The following FIRRM variants were observed in gnomAD, a reference collection of about 807,000 sequenced individuals.
FIRRM encodes FIGNL1-interacting regulator of recombination and mitosis.
chr1:169,787,093 A>G, the FIRRM span, among the ~76,000 whole-genome samples: 1 of 152,194 alleles, frequency 6.6e-6, no homozygotes, highest in African/African-American at 2.4e-5. Context: ...GAGAACATCT[A>G]AGGCTCTTGA....
chr1:169,808,621 T>C, the FIRRM span, among the ~76,000 whole-genome samples: 1 of 151,606 alleles, frequency 6.6e-6, no homozygotes, highest in Non-Finnish European at 1.5e-5. Flanking sequence ...TTTTTTTTTT[T>C]TGAGATGGCG....
the FIRRM span, chr1:169,850,314 C>G: frequency 6.2e-7 from 1 of 1,611,618 alleles, no homozygotes; most frequent in Non-Finnish European, 8.5e-7. Flanking sequence ...TCTGAAGAAA[C>G]TAAGAACAAA....
the FIRRM span, chr1:169,827,738 A>G: frequency 6.2e-7 from 1 of 1,614,128 alleles, no homozygotes; most frequent in East Asian, 2.2e-5. Context: ...CAGTTTCCAC[A>G]ATGTCTTCTT....
chr1:169,818,626 A>G, the FIRRM span, among the ~76,000 whole-genome samples: 1 of 152,220 alleles, frequency 6.6e-6, no homozygotes, highest in African/African-American at 2.4e-5. Context: ...TACACAATAC[A>G]TATAAATATA....
the FIRRM span, among the ~76,000 whole-genome samples, chr1:169,813,135 A>G: frequency 6.6e-6 from 1 of 152,228 alleles, no homozygotes; most frequent in Non-Finnish European, 1.5e-5. Flanking sequence ...TTATGGCACT[A>G]TTTAAAGCTG....
At chr1:169,849,182 A>G in the FIRRM span, among the ~76,000 whole-genome samples, 1 of 152,210 alleles carries the variant, frequency 6.6e-6, no homozygotes, top group Non-Finnish European at 1.5e-5. Flanking sequence ...CACCAAGGTG[A>G]CATGCAAGTA....
At chr1:169,827,928 T>G in the FIRRM span, 20 of 1,418,938 alleles carry the variant, frequency 1.4e-5, no homozygotes, top group Admixed American at 1.7e-4. Context: ...GTTTGTGTGT[T>G]TTTTTTTTAA....
At chr1:169,791,567 T>C in the FIRRM span, among the ~76,000 whole-genome samples, 3 of 152,224 alleles carry the variant, frequency 2.0e-5, no homozygotes, top group African/African-American at 4.8e-5. Context: ...TGAAGTCTTA[T>C]AGGGCAGTTA....
At chr1:169,799,280 G>A in the FIRRM span, among the ~76,000 whole-genome samples, 1 of 152,144 alleles carries the variant, frequency 6.6e-6, no homozygotes, top group Non-Finnish European at 1.5e-5. Context: ...ATAGCTATCA[G>A]CCTCTAACAT....
At chr1:169,830,083 A>G in the FIRRM span, among the ~76,000 whole-genome samples, 1 of 152,196 alleles carries the variant, frequency 6.6e-6, no homozygotes, top group Non-Finnish European at 1.5e-5. Context: ...TAGGTGCTCA[A>G]TAAATATTGA....
the FIRRM span, chr1:169,793,660 A>G: frequency 6.2e-7 from 1 of 1,608,556 alleles, no homozygotes; most frequent in Admixed American, 1.7e-5. Flanking sequence ...CATTTTCCAG[A>G]TGGTCTTCTA....
the FIRRM span, among the ~76,000 whole-genome samples, chr1:169,829,867 G>A: frequency 2.2e-4 from 33 of 152,258 alleles, no homozygotes; most frequent in South Asian, 4.1e-4. Flanking sequence ...AAGATCAGTA[G>A]CATTTCAGAT....
the FIRRM span, among the ~76,000 whole-genome samples, chr1:169,791,680 A>G: frequency 6.6e-6 from 1 of 152,258 alleles, no homozygotes; most frequent in African/African-American, 2.4e-5. Context: ...CATAAACCTC[A>G]TAAGGTTTTA....
At chr1:169,827,921 T>C in the FIRRM span, 4,387 of 1,478,830 alleles carry the variant, frequency 3.0e-3, 6 homozygotes, top group Non-Finnish European at 3.8e-3. Flanking sequence ...AAATTAAGTT[T>C]GTGTGTTTTT....
chr1:169,795,910 C>T, the FIRRM span: 1 of 985,412 alleles, frequency 1.0e-6, no homozygotes, highest in East Asian at 1.1e-4. Context: ...CCTTCTTCGT[C>T]CGGGTGCAGC....
the FIRRM span, chr1:169,853,557 TCTC>T: frequency 1.4e-6 from 1 of 729,084 alleles, no homozygotes; most frequent in African/African-American, 1.8e-5. Context: ...TCACAGTCAG[TCTC>T]CTACTTCAGT....
chr1:169,827,569 TG>T, the FIRRM span: 1 of 864,036 alleles, frequency 1.2e-6, no homozygotes, highest in Non-Finnish European at 1.8e-6. Context: ...ACCCAGACGG[TG>T]GAGGTTGCAG....
the FIRRM span, chr1:169,853,938 G>A: frequency 7.9e-5 from 60 of 759,466 alleles, no homozygotes; most frequent in South Asian, 6.2e-4. Flanking sequence ...TGAAAAGTAG[G>A]ATTACAAAAC....
At chr1:169,827,631 C>CT in the FIRRM span, 1 of 1,517,468 alleles carries the variant, frequency 6.6e-7, no homozygotes, top group South Asian at 1.2e-5. Context: ...GAGTGAGACT[C>CT]TGACTCAAAC....
Sources: gnomAD v4.1 joint callset for allele counts (sites outside exome capture counted in the v4.1 genomes callset) on GRCh38, gnomAD v4.1.1 for gene constraint, MANE v1.5 for transcripts, NCBI Gene and HGNC (gene_info 2026-07-23, HGNC 2026-07-21) for gene names.